BICC1: variants seen among roughly 807,000 people sequenced by gnomAD.
BICC1 encodes the protein BicC family RNA binding protein 1.
A neutral mutation model predicts 111.0 loss-of-function variants in BICC1; 43 were observed. The observed-to-expected ratio is 0.39, with a 90% confidence interval of 0.30 to 0.50. BICC1 has a LOEUF of 0.50. Ranked by LOEUF, BICC1 falls within the 20% of genes least tolerant of loss-of-function variation. The pLI is 0.88. For missense variants in BICC1, 1,091 were observed against 1,203.2 expected (o/e 0.91, Z 1.38); for synonymous variants, 467 against 434.4 (o/e 1.07, Z -0.93).
chr10:58,621,046 C>T (rs1845788359), intron 2 of BICC1, 145 bp downstream of exon 2: 1 of 596,406 alleles, frequency 1.7e-6, no homozygotes, highest in South Asian at 2.7e-5. Flanking sequence ...CAGAGCTAGC[C>T]AGGAAAAGAG....
chr10:58,563,303 G>C (rs1482914358), intron 1 of BICC1, among the ~76,000 whole-genome samples: 1 of 152,190 alleles, frequency 6.6e-6, no homozygotes, highest in Non-Finnish European at 1.5e-5. Context: ...CTGGGGAGCA[G>C]TGCAGCCATG....
intron 3 of BICC1, among the ~76,000 whole-genome samples, chr10:58,784,348 T>C (rs1405071605): frequency 6.6e-6 from 1 of 152,156 alleles, no homozygotes; most frequent in Non-Finnish European, 1.5e-5. Flanking sequence ...TTAATGGCAG[T>C]AATAAACAAT....
In BICC1 at chr10:58,565,711, TTGAC is replaced by T. The variant is rs1430464180; in HGVS notation, c.190+52382_190+52385del. Among the ~76,000 whole-genome samples, 3 of 152,314 alleles carry T rather than the reference TTGAC, an allele frequency of 2.0e-5. No homozygotes were observed. In the East Asian group the frequency reaches 5.8e-4, roughly 29 times the overall value. ...CCCTGAGAAGACTTTGCTATCTTCT[TTGAC>T]TGATCTATGAAGGAAGGGGTAGAAG... is the stretch of plus-strand genomic sequence containing the variant. On this transcript the variant is annotated intron_variant, in intron 1 of 20. Transcript: ENST00000373886.
chr10:58,552,982 T>C (rs1021115463), intron 1 of BICC1, among the ~76,000 whole-genome samples: 2 of 152,344 alleles, frequency 1.3e-5, no homozygotes, highest in East Asian at 3.9e-4. Context: ...CATCTGCCTT[T>C]GTTGCTAAGT....
intron 3 of BICC1, among the ~76,000 whole-genome samples, chr10:58,769,495 A>G (rs1842565083): frequency 6.7e-6 from 1 of 148,648 alleles, no homozygotes; most frequent in Non-Finnish European, 1.5e-5. Context: ...AAAACTCACC[A>G]TTTTCAAAGC....
intron 2 of BICC1, among the ~76,000 whole-genome samples, chr10:58,636,739 T>G (rs1837964707): frequency 6.6e-6 from 1 of 152,198 alleles, no homozygotes; most frequent in South Asian, 2.1e-4. Context: ...TCCAGTACAG[T>G]CACCAGCTGT....
At chr10:58,581,522 T>C (rs1844279709) in intron 1 of BICC1, among the ~76,000 whole-genome samples, 2 of 152,196 alleles carry the variant, frequency 1.3e-5, no homozygotes. Flanking sequence ...TTTTGTTCTA[T>C]ATTGGTGGAG....
intron 2 of BICC1, among the ~76,000 whole-genome samples, chr10:58,623,880 G>A (rs1230152469): frequency 1.3e-5 from 2 of 152,148 alleles, no homozygotes; most frequent in Admixed American, 1.3e-4. Context: ...CAACAATAGA[G>A]GGGAGGGAGG....
At chr10:58,716,779 G>T (rs1332099156) in intron 3 of BICC1, among the ~76,000 whole-genome samples, 7 of 151,408 alleles carry the variant, frequency 4.6e-5, no homozygotes, top group African/African-American at 1.5e-4. Flanking sequence ...AGCTTTTAGG[G>T]TTGGGGGGGT....
intron 3 of BICC1, among the ~76,000 whole-genome samples, chr10:58,738,401 T>C (rs1297849461): frequency 6.6e-6 from 1 of 152,102 alleles, no homozygotes; most frequent in Non-Finnish European, 1.5e-5. Context: ...TAGTTGTAGA[T>C]ATGCGGCATT....
At chr10:58,639,577 T>G (rs1564525972) in intron 2 of BICC1, among the ~76,000 whole-genome samples, 4 of 147,356 alleles carry the variant, frequency 2.7e-5, no homozygotes, top group African/African-American at 7.5e-5. Flanking sequence ...GTTTTTTTTT[T>G]TTTTTTTTTT....
chr10:58,700,787 G>C (rs1840210251), intron 2 of BICC1, among the ~76,000 whole-genome samples: 1 of 152,190 alleles, frequency 6.6e-6, no homozygotes, highest in Non-Finnish European at 1.5e-5. Context: ...CTGACTCAAG[G>C]GGGCAGCTGT....
At chr10:58,735,651 C>G (rs951777401) in intron 3 of BICC1, among the ~76,000 whole-genome samples, 12 of 152,196 alleles carry the variant, frequency 7.9e-5, no homozygotes, top group African/African-American at 2.4e-4. Flanking sequence ...TTGGGAAACT[C>G]TTCAACTGAT....
intron 2 of BICC1, among the ~76,000 whole-genome samples, chr10:58,672,649 C>A (rs530646555): frequency 1.3e-5 from 2 of 152,280 alleles, no homozygotes; most frequent in South Asian, 4.1e-4. Flanking sequence ...ATAAGCCTCA[C>A]AAGAGCAGGG....
chr10:58,672,413 G>A (rs749974654), intron 2 of BICC1, among the ~76,000 whole-genome samples: 1 of 152,062 alleles, frequency 6.6e-6, no homozygotes, highest in Non-Finnish European at 1.5e-5. Context: ...GTAGATGTTT[G>A]TGAATTGAGT....
chr10:58,694,771 C>G (rs1840021204), intron 2 of BICC1, among the ~76,000 whole-genome samples: 1 of 152,148 alleles, frequency 6.6e-6, no homozygotes. Flanking sequence ...GGGGCTATCT[C>G]TGGGTCATTT....
rs373410868 is a variant in BICC1 at position 58,587,335 on chromosome 10, G to A, written c.191-33520G>A. ...ATTAAGCAGAATTGAATTTTCTCCA[G>A]CACTATAGCAAATTTACATTACATC... On this transcript the variant is annotated intron_variant, in intron 1 of 20. Transcript: ENST00000373886. 3.3e-5 allele frequency among the ~76,000 whole-genome samples: 5 copies of A among 152,120 alleles called. No homozygotes were observed. In the East Asian group the frequency reaches 7.7e-4, roughly 24 times the overall value.
chr10:58,565,509 A>G lies in BICC1; in HGVS notation c.190+52176A>G, dbSNP rs960389174. Among the ~76,000 whole-genome samples the G allele has an allele frequency of 1.9e-4, 29 of 152,274 alleles. No homozygotes were observed. In the Middle Eastern group the frequency reaches 0.01, roughly 54 times the overall value. The stretch of plus-strand genomic sequence containing the variant: ...AATCCTCTGAGTCAGAGAGCAGACC[A>G]TCTCTCATCCTTCACAGCAGCTGGA... On this transcript the variant is annotated intron_variant, in intron 1 of 20. Coordinates refer to ENST00000373886, the MANE Select transcript of BICC1 (RefSeq NM_001080512.3).
intron 10 of BICC1, 116 bp downstream of exon 10, chr10:58,796,642 T>G (rs1357989974): frequency 1.0e-6 from 1 of 977,110 alleles, no homozygotes; most frequent in East Asian, 2.7e-5. Context: ...CTTTGGGCTC[T>G]AAGATCAGAT....
Sources: gnomAD v4.1 joint callset for allele counts (sites outside exome capture counted in the v4.1 genomes callset) on GRCh38, gnomAD v4.1.1 for gene constraint, MANE v1.5 for transcripts, NCBI Gene and HGNC (gene_info 2026-07-23, HGNC 2026-07-21) for gene names.